Variants in ANKRD34C observed in about 807,000 individuals in gnomAD.
ANKRD34C encodes ankyrin repeat domain 34C.
For synonymous variants in ANKRD34C, 260 were observed against 253.6 expected, an observed-to-expected ratio of 1.03 and a Z score of -0.24; for missense variants, 563 against 653.0, an observed-to-expected ratio of 0.86 and a Z score of 1.50.
intron 1 of ANKRD34C, chr15:79,283,532 T>A (rs945325842): frequency 6.6e-6 from 1 of 152,120 alleles, no homozygotes; most frequent in African/African-American, 2.4e-5. Flanking sequence ...AGGTCGTCAG[T>A]TTTTGCAGAA....
rs780928366 is a variant in ANKRD34C, at chr15:79,295,641, T to C, written c.*749T>C. On this transcript the variant is annotated 3_prime_UTR_variant, in exon 2 of 2. Coordinates refer to ENST00000421388, the MANE Select transcript of ANKRD34C (RefSeq NM_001146341.2). ...CCGTCCCCTGACACAGGCTCTTGTA[T>C]TGAAATCTTGTGAAAAACAGTCAAG... 21 of 167,104 alleles carry C rather than the reference T, an allele frequency of 1.3e-4. No individual in the cohort carries two copies. Among genetic ancestry groups the C allele is most frequent in the Non-Finnish European group, 2.1e-4 (14 of 68,124 alleles). 10.4% of individuals were successfully genotyped at this position (167,104 alleles called of 1,614,324 possible). A position where few individuals can be genotyped will look rare whatever the true frequency, so the allele number is the denominator to read the frequency against.
chr15:79,294,955 T>C lies in ANKRD34C; in HGVS notation c.*63T>C. 1 of 1,420,868 alleles carries C rather than the reference T, an allele frequency of 7.0e-7. No homozygotes were observed. Among genetic ancestry groups the C allele is most frequent in the South Asian group, 1.5e-5 (1 of 66,080 alleles). The allele number at this position is 1,420,868 out of a possible 1,614,324, so 88.0% of individuals were successfully genotyped here. On this transcript the variant is annotated 3_prime_UTR_variant, in exon 2 of 2. Coordinates refer to ENST00000421388, the MANE Select transcript of ANKRD34C (RefSeq NM_001146341.2). ...TGGAAGGGACTATGGATGAGACTGC[T>C]TCCTGATCATTCCTTAATGTTGAAC...
chr15:79,284,363 G>C (rs187216115), intron 1 of ANKRD34C, among the ~76,000 whole-genome samples: 1 of 152,180 alleles, frequency 6.6e-6, no homozygotes, highest in South Asian at 2.1e-4. Flanking sequence ...ACTTAAAAAC[G>C]TGTGCCCTTA....
At chr15:79,288,105 CT>C in intron 1 of ANKRD34C, among the ~76,000 whole-genome samples, 1 of 152,366 alleles carries the variant, frequency 6.6e-6, no homozygotes, top group African/African-American at 2.4e-5. Context: ...CACTTCTTCA[CT>C]TTTGGCTTCA....
intron 1 of ANKRD34C, among the ~76,000 whole-genome samples, 172 bp from the exon 2 acceptor site, chr15:79,293,069 T>C (rs2058663601): frequency 6.6e-6 from 1 of 152,242 alleles, no homozygotes; most frequent in African/African-American, 2.4e-5. Context: ...CCCTGCGTCA[T>C]GACACACTAT....
rs2058675726 is a variant in ANKRD34C at position 79,297,737 on chromosome 15, A to G, written c.*2845A>G. Reference sequence around the variant, plus strand: ...TAAATACGCAATTTTGTCCATGTCAATGAACCTAACAAGAATGCTTTTTAA... The same window carrying G: ...TAAATACGCAATTTTGTCCATGTCAGTGAACCTAACAAGAATGCTTTTTAA... On this transcript the variant is annotated 3_prime_UTR_variant, in exon 2 of 2. Coordinates refer to ENST00000421388, the MANE Select transcript of ANKRD34C (RefSeq NM_001146341.2). The G allele has an allele frequency of 6.0e-6, 1 of 167,076 alleles. No homozygotes were observed. Among genetic ancestry groups the G allele is most frequent in the African/African-American group, 2.4e-5 (1 of 41,470 alleles). The allele number at this position is 167,076 out of a possible 1,614,324, so 10.3% of individuals were successfully genotyped here.
rs1327340754 is a variant in ANKRD34C at position 79,294,804 on chromosome 15, TAAG to T, written c.1524_1526del (p.Arg508del). On this transcript the variant is annotated inframe_deletion, in exon 2 of 2. Coordinates refer to ENST00000421388, the MANE Select transcript of ANKRD34C (RefSeq NM_001146341.2). The stretch of plus-strand genomic sequence containing the variant: ...CCAAGTTCACCAAAGAGAGTTGACT[TAAG>T]AAGTAAAAAGAAGCTCCTCAGAAGG... The T allele has an allele frequency of 6.4e-7, 1 of 1,551,626 alleles. No individual in the cohort carries two copies. The highest frequency in any genetic ancestry group is 1.4e-5 in the African/African-American group (1 of 73,130).
intron 1 of ANKRD34C, among the ~76,000 whole-genome samples, chr15:79,284,152 A>G (rs1452932573): frequency 6.6e-6 from 1 of 152,166 alleles, no homozygotes; most frequent in Non-Finnish European, 1.5e-5. Context: ...TCCTATGAGT[A>G]TCCCCATTTT....
At chr15:79,291,558 T>A (rs1472453370) in intron 1 of ANKRD34C, among the ~76,000 whole-genome samples, 1 of 50,996 alleles carries the variant, frequency 2.0e-5, no homozygotes, top group African/African-American at 7.5e-5. Context: ...GAAAGACCAT[T>A]CACACACACA....
chr15:79,289,972 GGTAT>G (rs2058655180), intron 1 of ANKRD34C, among the ~76,000 whole-genome samples: 1 of 152,098 alleles, frequency 6.6e-6, no homozygotes, highest in African/African-American at 2.4e-5. Flanking sequence ...TATGATGTAT[GGTAT>G]TCCAGAGTAT....
Position 79,294,367 on chromosome 15 carries a change from A to T in ANKRD34C, c.1083A>T (p.Ser361=), listed in dbSNP as rs1326119793. The T allele has an allele frequency of 6.4e-7, 1 of 1,551,608 alleles. No homozygotes were observed. The highest frequency in any genetic ancestry group is 8.7e-7 in the Non-Finnish European group (1 of 1,146,956). The part of the protein sequence containing the change: ...VDQEKCGMGP[S]GPSALKEPAS... Reference sequence around the variant, plus strand: ...AAGAGAAATGTGGTATGGGTCCATCAGGACCCTCTGCTCTCAAAGAGCCTG... The same window carrying T: ...AAGAGAAATGTGGTATGGGTCCATCTGGACCCTCTGCTCTCAAAGAGCCTG... The change falls in exon 2 of 2, where the codon TCA becomes TCT. Residue 361 remains serine, a synonymous_variant. Transcript: ENST00000421388.
chr15:79,293,218 G>A, intron 1 of ANKRD34C, 23 bp from the exon 2 acceptor site: 1 of 1,408,000 alleles, frequency 7.1e-7, no homozygotes, highest in Non-Finnish European at 9.5e-7. Context: ...TATAACATTT[G>A]TTCCCTCTTC....
intron 1 of ANKRD34C, among the ~76,000 whole-genome samples, chr15:79,286,741 G>A (rs1793848681): frequency 6.6e-6 from 1 of 151,982 alleles, no homozygotes; most frequent in African/African-American, 2.4e-5. Flanking sequence ...CCCACACTGT[G>A]GCCAATGATC....
chr15:79,284,227 G>A (rs1275197856), intron 1 of ANKRD34C, among the ~76,000 whole-genome samples: 1 of 152,182 alleles, frequency 6.6e-6, no homozygotes, highest in Non-Finnish European at 1.5e-5. Context: ...ACTAGCAAAT[G>A]GTATGGCTGC....
In ANKRD34C at chr15:79,293,986, G is replaced by T; in HGVS notation, c.702G>T (p.Arg234Ser). The change falls in exon 2 of 2, where the codon AGG becomes AGT. Residue 234 changes from arginine (R) to serine (S), a missense_variant. Transcript: ENST00000421388. ...KAVNEPGSPT[R>S]KVSNLKRARL... The stretch of plus-strand genomic sequence containing the variant: ...TTAATGAGCCTGGGTCACCCACCAG[G>T]AAAGTCAGTAATCTCAAAAGGGCCC... 1 of 1,551,682 alleles carries T rather than the reference G, an allele frequency of 6.4e-7. No homozygotes were observed. The highest frequency in any genetic ancestry group is 1.2e-5 in the South Asian group (1 of 84,054).
rs1035559145 is a variant in ANKRD34C, at chr15:79,294,614, C to A, written c.1330C>A (p.Arg444=). The A allele has an allele frequency of 1.3e-6, 2 of 1,551,596 alleles. No homozygotes were observed. The highest frequency in any genetic ancestry group is 2.7e-5 in the African/African-American group (2 of 73,044). Reference sequence around the variant, plus strand: ...CCGCAGGCCGCCACATCTTCTAGAACGACGAGGTTCTGGAACTCTGCTCCT... The same window carrying A: ...CCGCAGGCCGCCACATCTTCTAGAAAGACGAGGTTCTGGAACTCTGCTCCT... The part of the protein sequence containing the change: ...ARRRPPHLLE[R]RGSGTLLLDR... Residue 444 remains arginine, a synonymous_variant, in exon 2 of 2, where the codon CGA becomes AGA. Transcript: ENST00000421388.
At position 79,295,172 on chromosome 15, in the gene ANKRD34C, G is replaced by A. The variant is rs977053469; in HGVS notation, c.*280G>A. ...AGCAAGTACAATGATGTAAGCTGGG[G>A]ACATCAGTAGTTTTCTATCAGACAA... On this transcript the variant is annotated 3_prime_UTR_variant, in exon 2 of 2. Coordinates refer to ENST00000421388, the MANE Select transcript of ANKRD34C (RefSeq NM_001146341.2). 38 of 354,898 alleles carry A rather than the reference G, an allele frequency of 1.1e-4. No individual in the cohort carries two copies. The highest frequency in any genetic ancestry group is 1.6e-5 in the Non-Finnish European group (3 of 189,426). The allele number at this position is 354,898 out of a possible 1,614,324, so 22.0% of individuals were successfully genotyped here.
At chr15:79,285,244 A>G (rs1243803781) in intron 1 of ANKRD34C, among the ~76,000 whole-genome samples, 2 of 152,204 alleles carry the variant, frequency 1.3e-5, no homozygotes, top group African/African-American at 4.8e-5. Flanking sequence ...ACTTTCTTGG[A>G]GGTCTAGGAA....
At position 79,294,130 on chromosome 15, in the gene ANKRD34C, C is replaced by A. The variant is rs2141203398; in HGVS notation, c.846C>A (p.Ile282=). The A allele has an allele frequency of 6.4e-7, 1 of 1,551,560 alleles. No homozygotes were observed. Among genetic ancestry groups the A allele is most frequent in the South Asian group, 1.2e-5 (1 of 84,060 alleles). The change falls in exon 2 of 2, where the codon ATC becomes ATA. Residue 282 remains isoleucine (I), a synonymous_variant. Coordinates refer to ENST00000421388, the MANE Select transcript of ANKRD34C (RefSeq NM_001146341.2). ...GTGCCAGCACAGACAACGAGGTCAT[C>A]AAGAGCATCAGTGATATATCCTTCC... The part of the protein sequence containing the change: ...THGASTDNEV[I]KSISDISFPK...
Sources: allele counts gnomAD v4.1 joint callset (sites outside exome capture counted in the v4.1 genomes callset), GRCh38; gene constraint gnomAD v4.1.1; transcripts MANE v1.5; gene names NCBI Gene and HGNC (gene_info 2026-07-23, HGNC 2026-07-21).